The following EPS8 variants were observed in gnomAD, a reference collection of about 807,000 sequenced individuals.
EPS8 encodes epidermal growth factor receptor kinase substrate 8.
In EPS8, 42 loss-of-function variants were observed where a neutral mutation model predicts 103.8. That is an observed-to-expected ratio of 0.40 (90% CI 0.32 to 0.52). EPS8 has a LOEUF of 0.52. Ranked by LOEUF, EPS8 falls within the 20% of genes least tolerant of loss-of-function variation. EPS8 has a pLI of 0.40. For synonymous variants in EPS8, 344 were observed against 344.6 expected (o/e 1.00, Z 0.02); for missense variants, 969 against 1,005.1 (o/e 0.96, Z 0.49).
intron 1 of EPS8, among the ~76,000 whole-genome samples, chr12:15,783,046 C>CA (rs1298782645): frequency 2.6e-5 from 4 of 152,114 alleles, no homozygotes; most frequent in Non-Finnish European, 4.4e-5. Context: ...TCCCAAGAAA[C>CA]AGAGAAAAGT....
rs1946785285 is a variant in EPS8 at position 15,738,158 on chromosome 12, ATATC to A, written c.-22+50999_-22+51002del. On this transcript the variant is annotated intron_variant, in intron 1 of 20. Coordinates refer to ENST00000281172, the MANE Select transcript of EPS8 (RefSeq NM_004447.6). This position sits in a 1 kb window ranked among gnomAD's most constrained non-coding sequence, Gnocchi z 6.2. ...ATAGTAGCTAATATTTTAATTGTGA[ATATC>A]TAACTATTATTCTAATTAATATCAC... is the stretch of plus-strand genomic sequence containing the variant. Among the ~76,000 whole-genome samples the A allele has an allele frequency of 6.6e-6, 1 of 152,248 alleles. No homozygotes were observed. Among genetic ancestry groups the A allele is most frequent in the South Asian group, 2.1e-4 (1 of 4,830 alleles).
chr12:15,657,473 T>C (rs1381998541), intron 12 of EPS8, among the ~76,000 whole-genome samples: 4 of 152,224 alleles, frequency 2.6e-5, no homozygotes, highest in Non-Finnish European at 5.9e-5. Flanking sequence ...TATGCAGACA[T>C]TTATTTAGGT....
chr12:15,770,087 C>T (rs1947137492), intron 1 of EPS8, among the ~76,000 whole-genome samples: 1 of 151,560 alleles, frequency 6.6e-6, no homozygotes, highest in South Asian at 2.1e-4. Flanking sequence ...GGACTACAGG[C>T]ACATGCCACC....
At chr12:15,754,234 A>G (rs1026161604) in intron 1 of EPS8, among the ~76,000 whole-genome samples, 2 of 132,442 alleles carry the variant, frequency 1.5e-5, no homozygotes, top group Non-Finnish European at 3.1e-5. Flanking sequence ...TTCCATTTGG[A>G]AAAAAAAAAA....
At chr12:15,765,801 T>C (rs1352912469) in intron 1 of EPS8, among the ~76,000 whole-genome samples, 1 of 149,774 alleles carries the variant, frequency 6.7e-6, no homozygotes, top group African/African-American at 2.5e-5. Context: ...TGGAGAAAAG[T>C]GGTTTTTTTT....
intron 1 of EPS8, among the ~76,000 whole-genome samples, chr12:15,754,717 T>C (rs1946968216): frequency 1.3e-5 from 2 of 152,210 alleles, no homozygotes; most frequent in South Asian, 4.1e-4. Context: ...AAAATGTGAA[T>C]GAAATTTGTG....
chr12:15,692,097 G>A (rs376994827), intron 1 of EPS8, among the ~76,000 whole-genome samples: 10 of 152,080 alleles, frequency 6.6e-5, no homozygotes, highest in Admixed American at 3.3e-4. Flanking sequence ...TCCCCTTCAC[G>A]TTCCCCCTGT....
rs1387534741 is a variant in EPS8, at chr12:15,738,077, A to T, written c.-22+51084T>A. The stretch of plus-strand genomic sequence containing the variant: ...ATTTTTTATTTTAATTTTGTATATA[A>T]ACTACCGAAATAGATATATTTCCTA... On this transcript the variant is annotated intron_variant, in intron 1 of 20. Coordinates refer to ENST00000281172, the MANE Select transcript of EPS8 (RefSeq NM_004447.6). This position sits in a 1 kb window ranked among gnomAD's most constrained non-coding sequence, Gnocchi z 6.2. Among the ~76,000 whole-genome samples the T allele has an allele frequency of 1.3e-5, 2 of 152,192 alleles. No homozygotes were observed. Among genetic ancestry groups the T allele is most frequent in the East Asian group, 3.8e-4 (2 of 5,202 alleles).
chr12:15,701,192 CAAT>C lies in EPS8; in HGVS notation c.-21-18223_-21-18221del, dbSNP rs1282636170. Reference sequence around the variant, plus strand: ...AATATTTAATAATAATTTACAAAAACAATAACACTTATTAAATCCATATATGTG... The same window carrying C: ...AATATTTAATAATAATTTACAAAAACAACACTTATTAAATCCATATATGTG... On this transcript the variant is annotated intron_variant, in intron 1 of 20. Coordinates refer to ENST00000281172, the MANE Select transcript of EPS8 (RefSeq NM_004447.6). The surrounding 1 kb of genome is among the most constrained non-coding windows in gnomAD (Gnocchi z 5.1). Among the ~76,000 whole-genome samples the C allele has an allele frequency of 6.6e-6, 1 of 152,184 alleles. No individual in the cohort carries two copies. The highest frequency in any genetic ancestry group is 1.5e-5 in the Non-Finnish European group (1 of 68,032).
intron 1 of EPS8, among the ~76,000 whole-genome samples, chr12:15,729,252 C>CCAA (rs1946687232): frequency 6.6e-6 from 1 of 152,024 alleles, no homozygotes; most frequent in Non-Finnish European, 1.5e-5. Flanking sequence ...CTGAGCTTGG[C>CCAA]GTCTCTCATT....
intron 1 of EPS8, among the ~76,000 whole-genome samples, chr12:15,768,533 T>C (rs1434713850): frequency 6.6e-6 from 1 of 151,716 alleles, no homozygotes; most frequent in Non-Finnish European, 1.5e-5. Context: ...TTACTAAATA[T>C]TAATTAATAA....
rs555875377 is a variant in EPS8, at chr12:15,699,376, G to T, written c.-21-16404C>A. 4.1e-4 allele frequency among the ~76,000 whole-genome samples: 63 copies of T among 152,200 alleles called. No individual in the cohort carries two copies. In the South Asian group the frequency reaches 8.1e-3, roughly 20 times the overall value. On this transcript the variant is annotated intron_variant, in intron 1 of 20. Coordinates refer to ENST00000281172, the MANE Select transcript of EPS8 (RefSeq NM_004447.6). ...AAGTCATTATCCTATCTCAGCTTCGGTTTACTCACCTGTAAAATGAGAATG... is the reference window on the plus strand; with the variant it reads ...AAGTCATTATCCTATCTCAGCTTCGTTTTACTCACCTGTAAAATGAGAATG...
chr12:15,630,794 G>A (rs1247797891), intron 18 of EPS8, among the ~76,000 whole-genome samples: 1 of 152,112 alleles, frequency 6.6e-6, no homozygotes, highest in East Asian at 1.9e-4. Flanking sequence ...AATCAGTCAG[G>A]GGTTTTCAAC....
chr12:15,621,477 C>A (rs1318729464), intron 20 of EPS8, 47 bp from the exon 21 acceptor site: 1 of 1,052,760 alleles, frequency 9.5e-7, no homozygotes, highest in African/African-American at 1.6e-5. Flanking sequence ...CTTGTGCAGG[C>A]TGCAGGTCAT....
chr12:15,663,506 G>A (rs1049583085), intron 8 of EPS8, among the ~76,000 whole-genome samples: 1 of 152,154 alleles, frequency 6.6e-6, no homozygotes, highest in Admixed American at 6.5e-5. Flanking sequence ...GTTTAGGCTA[G>A]TGGTAAATTA....
Position 15,641,809 on chromosome 12 carries a change from T to C in EPS8, c.1590A>G (p.Thr530=). Residue 530 remains threonine, a synonymous_variant, in exon 16 of 21, where the codon ACA becomes ACG. Coordinates refer to ENST00000281172, the MANE Select transcript of EPS8 (RefSeq NM_004447.6). The part of the protein sequence containing the change: ...HIDRNYEPLK[T]QPKKYAKSKY... ...TGGATTTGGCATATTTCTTGGGTTGTGTTTTGAGTGGTTCATAATTTCTAT... is the reference window on the plus strand; with the variant it reads ...TGGATTTGGCATATTTCTTGGGTTGCGTTTTGAGTGGTTCATAATTTCTAT... 6.3e-7 allele frequency: 1 copy of C among 1,581,732 alleles called. No homozygotes were observed.
chr12:15,666,897 G>A (rs1591835960), intron 6 of EPS8, among the ~76,000 whole-genome samples: 2 of 152,250 alleles, frequency 1.3e-5, no homozygotes, highest in South Asian at 2.1e-4. Context: ...TCATCCTCAA[G>A]ATCCACTGGA....
chr12:15,645,319 TTA>T (rs1396962449), intron 15 of EPS8, among the ~76,000 whole-genome samples: 2 of 152,150 alleles, frequency 1.3e-5, no homozygotes, highest in South Asian at 2.1e-4. Context: ...CAGCCAATGA[TTA>T]TGTTTCTCTT....
At chr12:15,750,130 C>T (rs1219258847) in intron 1 of EPS8, among the ~76,000 whole-genome samples, 2 of 152,172 alleles carry the variant, frequency 1.3e-5, no homozygotes, top group Non-Finnish European at 2.9e-5. Flanking sequence ...GTAGAGGATA[C>T]ACCTGCCACT....
Sources: gnomAD v4.1 joint callset for allele counts (sites outside exome capture counted in the v4.1 genomes callset) on GRCh38, gnomAD v4.1.1 for gene constraint, Gnocchi (gnomAD v3.1) non-coding constraint, MANE v1.5 for transcripts, NCBI Gene and HGNC (gene_info 2026-07-23, HGNC 2026-07-21) for gene names.